The following APPL2 variants were observed in gnomAD, a reference collection of about 807,000 sequenced individuals.
APPL2 encodes the protein adaptor protein, phosphotyrosine interacting with PH domain and leucine zipper 2.
A neutral mutation model predicts 92.7 loss-of-function variants in APPL2; 84 were observed. That is an observed-to-expected ratio of 0.91 (90% CI 0.76 to 1.09). APPL2 has a LOEUF of 1.09. Ranked by LOEUF, APPL2 falls within the 50% of genes least tolerant of loss-of-function variation. The pLI, the probability that APPL2 is intolerant of heterozygous loss-of-function variation, is 0.00. For synonymous variants in APPL2, 291 were observed against 291.0 expected, an observed-to-expected ratio of 1.00 and a Z score of 0.00; for missense variants, 736 against 824.5, an observed-to-expected ratio of 0.89 and a Z score of 1.31.
intron 11 of APPL2, among the ~76,000 whole-genome samples, chr12:105,196,754 T>C (rs940011271): frequency 2.6e-5 from 4 of 152,180 alleles, no homozygotes; most frequent in Non-Finnish European, 4.4e-5. Context: ...GCTTTAACTT[T>C]TTAAAGAGAC....
Position 105,188,384 on chromosome 12 carries a change from C to T in APPL2, c.1523G>A (p.Ser508Asn). ...CGCTTCATAAATCACTTCAGTAGTGCTGTCTGTTTTAACTGCCATTGATCC... is the reference window on the plus strand; with the variant it reads ...CGCTTCATAAATCACTTCAGTAGTGTTGTCTGTTTTAACTGCCATTGATCC... ...FLGSMAVKTDSTTEVIYEAMR... is the reference protein window; with the variant it reads ...FLGSMAVKTDNTTEVIYEAMR... The change falls in exon 17 of 21, where the codon AGC becomes AAC. Residue 508 changes from serine to asparagine, a missense_variant. Coordinates refer to ENST00000258530, the MANE Select transcript of APPL2 (RefSeq NM_018171.5). 6.2e-7 allele frequency: 1 copy of T among 1,614,166 alleles called. No homozygotes were observed. The highest frequency in any genetic ancestry group is 8.5e-7 in the Non-Finnish European group (1 of 1,180,024).
chr12:105,229,713 G>A, intron 1 of APPL2: 1 of 986,730 alleles, frequency 1.0e-6, no homozygotes, highest in Non-Finnish European at 1.2e-6. Flanking sequence ...TGGATGTCTT[G>A]CAGGAGTGTA....
chr12:105,232,424 C>A (rs924304924), intron 1 of APPL2, among the ~76,000 whole-genome samples: 1 of 152,136 alleles, frequency 6.6e-6, no homozygotes, highest in African/African-American at 2.4e-5. Flanking sequence ...AATGTTAACA[C>A]CACTGACTAC....
At chr12:105,213,007 T>A (rs1162385352) in intron 4 of APPL2, among the ~76,000 whole-genome samples, 3 of 152,232 alleles carry the variant, frequency 2.0e-5, no homozygotes, top group Non-Finnish European at 4.4e-5. Flanking sequence ...TGATGACTAC[T>A]TTTCCAGAAT....
intron 14 of APPL2, among the ~76,000 whole-genome samples, chr12:105,192,089 C>CGA (rs1887251557): frequency 1.3e-5 from 2 of 151,400 alleles, no homozygotes; most frequent in East Asian, 3.9e-4. Flanking sequence ...AAAACATGAA[C>CGA]TCTTCTTTTT....
At chr12:105,218,933 T>C (rs1889899635) in intron 2 of APPL2, among the ~76,000 whole-genome samples, 1 of 152,224 alleles carries the variant, frequency 6.6e-6, no homozygotes, top group Non-Finnish European at 1.5e-5. Flanking sequence ...ATTCCTCTAA[T>C]CTCTGGCTAC....
At chr12:105,177,578 A>G (rs1172685734) in intron 17 of APPL2, 1 of 328,368 alleles carries the variant, frequency 3.0e-6, no homozygotes, top group African/African-American at 2.1e-5. Flanking sequence ...TGGATGGATT[A>G]TATTCTGTAC....
Position 105,203,793 on chromosome 12 carries a change from A to G in APPL2, c.622-8T>C. 6.2e-7 allele frequency: 1 copy of G among 1,604,358 alleles called. No individual in the cohort carries two copies. Among genetic ancestry groups the G allele is most frequent in the South Asian group, 1.1e-5 (1 of 90,884 alleles). ...CTTCTTAAAAAAGTTAATCTGAAAG[A>G]TATAATTATAATATTCTGAAAATCA... On this transcript the variant is annotated splice_region_variant and splice_polypyrimidine_tract_variant and intron_variant, in intron 8 of 20. Coordinates refer to ENST00000258530, the MANE Select transcript of APPL2 (RefSeq NM_018171.5).
chr12:105,198,504 T>C (rs1195021890), intron 10 of APPL2, among the ~76,000 whole-genome samples: 2 of 152,196 alleles, frequency 1.3e-5, no homozygotes, highest in East Asian at 1.9e-4. Flanking sequence ...AGGGGACATT[T>C]AGCTTGTGAT....
At chr12:105,184,787 T>C (rs1886441329) in intron 17 of APPL2, among the ~76,000 whole-genome samples, 1 of 152,228 alleles carries the variant, frequency 6.6e-6, no homozygotes, top group Non-Finnish European at 1.5e-5. Flanking sequence ...AGCGTTGTGC[T>C]GGGAGACCTG....
At chr12:105,217,787 T>C (rs1460067146) in intron 2 of APPL2, 62 bp from the exon 3 acceptor site, 2 of 1,510,006 alleles carry the variant, frequency 1.3e-6, no homozygotes, top group East Asian at 4.5e-5. Flanking sequence ...CACTGAAAAA[T>C]GCCATCTCTG....
At chr12:105,201,995 G>A (rs1888251087) in intron 9 of APPL2, among the ~76,000 whole-genome samples, 1 of 152,204 alleles carries the variant, frequency 6.6e-6, no homozygotes, top group African/African-American at 2.4e-5. Flanking sequence ...TGGGTGGGCT[G>A]GCTGCTCATG....
chr12:105,190,240 A>T, intron 14 of APPL2, 85 bp from the exon 15 acceptor site: 1 of 1,396,580 alleles, frequency 7.2e-7, no homozygotes, highest in East Asian at 2.3e-5. Context: ...GACTTTTATG[A>T]ATGAAAATAC....
chr12:105,203,565 T>A, intron 9 of APPL2, 138 bp downstream of exon 9: 2 of 725,068 alleles, frequency 2.8e-6, no homozygotes, highest in Non-Finnish European at 4.8e-6. Context: ...GCAAGGGCAC[T>A]GTTAGCGAGC....
chr12:105,197,845 G>A lies in APPL2; in HGVS notation c.972C>T (p.Asp324=), dbSNP rs753827495. ...CGGCCATCACTGAGCAGTTGTCCAGGTCCTGGATCAAACCTCCAGCCACGG... is the reference window on the plus strand; with the variant it reads ...CGGCCATCACTGAGCAGTTGTCCAGATCCTGGATCAAACCTCCAGCCACGG... ...RGAVAGGLIQ[D]LDNCSVMAVD... The change falls in exon 11 of 21, where the codon GAC becomes GAT. Residue 324 remains aspartate (D), a synonymous_variant. Transcript: ENST00000258530. The A allele has an allele frequency of 3.7e-6, 6 of 1,614,064 alleles. No homozygotes were observed. The Admixed American group carries it at 8.3e-5, about 22-fold the overall frequency.
chr12:105,204,533 C>A (rs980831776), intron 8 of APPL2, among the ~76,000 whole-genome samples: 4 of 152,224 alleles, frequency 2.6e-5, no homozygotes, highest in African/African-American at 9.6e-5. Context: ...ACAGGTGATA[C>A]ATGCAGGGGA....
intron 11 of APPL2, among the ~76,000 whole-genome samples, chr12:105,197,230 G>A (rs548880928): frequency 2.0e-5 from 3 of 152,242 alleles, no homozygotes; most frequent in East Asian, 1.9e-4. Context: ...CACAGCCTGC[G>A]GATTGGTAAA....
chr12:105,189,325 C>T (rs1009764245), intron 16 of APPL2, among the ~76,000 whole-genome samples: 6 of 152,050 alleles, frequency 3.9e-5, no homozygotes, highest in Non-Finnish European at 7.4e-5. Flanking sequence ...GCCAGCGTGC[C>T]GGCCATCAGA....
intron 20 of APPL2, 146 bp downstream of exon 20, chr12:105,175,889 C>T (rs923896438): frequency 5.7e-6 from 4 of 695,808 alleles, no homozygotes; most frequent in Non-Finnish European, 9.1e-6. Flanking sequence ...TCAAAAACCT[C>T]TGGTGGTTAG....
Sources: gnomAD v4.1 joint callset for allele counts (sites outside exome capture counted in the v4.1 genomes callset) on GRCh38, gnomAD v4.1.1 for gene constraint, MANE v1.5 for transcripts, NCBI Gene and HGNC (gene_info 2026-07-23, HGNC 2026-07-21) for gene names.